The following USP4 variants were observed in gnomAD, a reference collection of about 807,000 sequenced individuals.
The protein encoded by USP4 is ubiquitin specific peptidase 4, also known as ubiquitin carboxyl-terminal hydrolase 4.
USP4 carries 72 observed loss-of-function variants against 118.2 expected under a neutral mutation model. The ratio of observed to expected loss-of-function variants is 0.61; its 90% confidence interval spans 0.50 to 0.74. The LOEUF (loss-of-function observed/expected upper bound fraction) is 0.74, where lower values mean the gene tolerates loss of function less well. Among genes scored for constraint, USP4 ranks in the 30% least tolerant of loss-of-function variants. The pLI is 0.00. For missense variants in USP4, 1,037 were observed against 1,185.7 expected, an observed-to-expected ratio of 0.87 and a Z score of 1.84; for synonymous variants, 415 against 440.4, an observed-to-expected ratio of 0.94 and a Z score of 0.72.
At chr3:49,302,579 G>T (rs746658016) in intron 9 of USP4, 37 bp from the exon 10 acceptor site, 27 of 1,591,432 alleles carry the variant, frequency 1.7e-5, no homozygotes, top group Non-Finnish European at 2.2e-5. Flanking sequence ...GGCATAATAC[G>T]TAAAGAACTA....
At chr3:49,284,982 G>T in intron 16 of USP4, 63 bp from the exon 17 acceptor site, 1 of 1,348,272 alleles carries the variant, frequency 7.4e-7, no homozygotes, top group Non-Finnish European at 1.0e-6. Flanking sequence ...CTCTCCAAGT[G>T]ACAGGAGTGA....
At chr3:49,280,876 G>A in intron 19 of USP4, 29 bp from the exon 20 acceptor site, 2 of 1,600,256 alleles carry the variant, frequency 1.2e-6, no homozygotes, top group Non-Finnish European at 1.7e-6. Context: ...AATAGTTATT[G>A]AATATGTTAA....
At chr3:49,304,939 T>C (rs553497897) in intron 9 of USP4, among the ~76,000 whole-genome samples, 5 of 152,036 alleles carry the variant, frequency 3.3e-5, no homozygotes, top group African/African-American at 1.2e-4. Flanking sequence ...AATTTTTGTA[T>C]TTTTGGTAGA....
At chr3:49,282,853 G>A (rs889680797) in intron 19 of USP4, among the ~76,000 whole-genome samples, 12 of 151,338 alleles carry the variant, frequency 7.9e-5, no homozygotes, top group Admixed American at 2.0e-4. Flanking sequence ...GATTACAGGC[G>A]TGCACCACCA....
At chr3:49,288,551 T>G (rs2047123073) in intron 15 of USP4, among the ~76,000 whole-genome samples, 1 of 152,160 alleles carries the variant, frequency 6.6e-6, no homozygotes. Flanking sequence ...GTCAGGTGCC[T>G]GTAATCCCAG....
chr3:49,306,179 T>A (rs1439301907), intron 8 of USP4, among the ~76,000 whole-genome samples: 1 of 152,022 alleles, frequency 6.6e-6, no homozygotes, highest in Non-Finnish European at 1.5e-5. Context: ...AATTGCATAA[T>A]TCTTATTTAA....
chr3:49,335,347 T>C, intron 2 of USP4, 122 bp downstream of exon 2: 1 of 1,361,856 alleles, frequency 7.3e-7, no homozygotes, highest in Non-Finnish European at 1.0e-6. Flanking sequence ...AGATGCAAAA[T>C]GAGGATACTT....
intron 13 of USP4, among the ~76,000 whole-genome samples, chr3:49,295,134 A>C (rs2047189809): frequency 1.3e-5 from 2 of 151,972 alleles, no homozygotes; most frequent in Admixed American, 6.6e-5. Flanking sequence ...CTAAAAATAC[A>C]AACAATTAGA....
chr3:49,292,552 AG>A lies in USP4; in HGVS notation c.1929del (p.Leu644TrpfsTer69). On this transcript the variant is annotated frameshift_variant, in exon 15 of 22. Coordinates refer to ENST00000265560, the MANE Select transcript of USP4 (RefSeq NM_003363.4). LOFTEE classifies it high-confidence loss of function. ...QPLPDEFGSS[P>X]LEPGACNGSR... is the part of the protein sequence containing the mutation. ...GAGCCATTGCAGGCCCCTGGCTCCA[AG>A]GGTGAGCTGCCAAACTCATCAGGTA... is the stretch of plus-strand genomic sequence containing the variant. 3 of 1,601,614 alleles carry A rather than the reference AG, an allele frequency of 1.9e-6. No individual in the cohort carries two copies. The highest frequency in any genetic ancestry group is 2.6e-6 in the Non-Finnish European group (3 of 1,173,400).
In USP4 at chr3:49,310,871, C is replaced by T. The variant is rs1055475128; in HGVS notation, c.837-134G>A. On this transcript the variant is annotated intron_variant, in intron 7 of 21. Transcript: ENST00000265560. ...CCATGATGCAAATTCCCTCTACTCC[C>T]TCCCCTGCCCTCCAGACCTGCCCCA... 20 of 659,420 alleles carry T rather than the reference C, an allele frequency of 3.0e-5. No homozygotes were observed. The South Asian group carries it at 3.3e-4, about 11-fold the overall frequency. 40.8% of individuals were successfully genotyped at this position (659,420 alleles called of 1,614,324 possible).
At chr3:49,284,773 T>C (rs1048294225) in intron 17 of USP4, 76 bp downstream of exon 17, 1 of 1,418,798 alleles carries the variant, frequency 7.0e-7, no homozygotes, top group African/African-American at 1.4e-5. Context: ...GCTGTCCAAC[T>C]GGTGAAAGTG....
chr3:49,320,186 G>C (rs1236384731), intron 6 of USP4, among the ~76,000 whole-genome samples: 1 of 152,172 alleles, frequency 6.6e-6, no homozygotes, highest in African/African-American at 2.4e-5. Context: ...TTTCCAAAAT[G>C]TTGGGATTAC....
At position 49,286,322 on chromosome 3, in the gene USP4, TCTC is replaced by T. The variant is rs762805926; in HGVS notation, c.1973_1975del (p.Gly658del). 80 of 1,614,008 alleles carry T rather than the reference TCTC, an allele frequency of 5.0e-5. No individual in the cohort carries two copies. Among genetic ancestry groups the T allele is most frequent in the African/African-American group, 5.3e-5 (4 of 75,006 alleles). Reference sequence around the variant, plus strand: ...CTGATGCTCCATTTCTTCCTCATCTTCTCCTGGCACATAAATGGAAAACAATAT... The same window carrying T: ...CTGATGCTCCATTTCTTCCTCATCTTCTGGCACATAAATGGAAAACAATAT... On this transcript the variant is annotated inframe_deletion and splice_region_variant, in exon 16 of 22. Coordinates refer to ENST00000265560, the MANE Select transcript of USP4 (RefSeq NM_003363.4).
chr3:49,298,402 TAGTG>T (rs2047230813), intron 12 of USP4, 146 bp downstream of exon 12: 1 of 745,850 alleles, frequency 1.3e-6, no homozygotes, highest in Non-Finnish European at 2.4e-6. Flanking sequence ...ACAATGTGCA[TAGTG>T]AGTGAGGCAT....
chr3:49,306,835 A>C (rs1235496868), intron 8 of USP4, among the ~76,000 whole-genome samples: 1 of 152,016 alleles, frequency 6.6e-6, no homozygotes, highest in Non-Finnish European at 1.5e-5. Context: ...CCCAGGCTGG[A>C]GTGCAGTGGC....
At chr3:49,307,539 T>C (rs901712259) in intron 8 of USP4, among the ~76,000 whole-genome samples, 5 of 152,090 alleles carry the variant, frequency 3.3e-5, no homozygotes, top group Admixed American at 6.6e-5. Flanking sequence ...ATCCTCCCAT[T>C]TGAACCTCCC....
intron 6 of USP4, chr3:49,313,848 AT>A: frequency 6.6e-6 from 1 of 152,198 alleles, no homozygotes; most frequent in East Asian, 1.9e-4. Context: ...AGTAAATCTT[AT>A]TTTAAAGTTT....
At position 49,325,763 on chromosome 3, in the gene USP4, G is replaced by A. The variant is rs1247476531; in HGVS notation, c.443C>T (p.Pro148Leu). The A allele has an allele frequency of 6.2e-7, 1 of 1,613,928 alleles. No homozygotes were observed. Among genetic ancestry groups the A allele is most frequent in the Admixed American group, 1.7e-5 (1 of 60,000 alleles). ...GAAATGGCAACTCAGCACATTGGTG[G>A]GGTCACTGTTCTCACAGAGCTTCAG... ...LELKLCENSD[P>L]TNVLSCHFSK... Residue 148 changes from proline to leucine, a missense_variant, in exon 4 of 22, where the codon CCC becomes CTC. Transcript: ENST00000265560.
chr3:49,283,333 T>C (rs957484419), intron 19 of USP4, among the ~76,000 whole-genome samples: 2 of 151,812 alleles, frequency 1.3e-5, no homozygotes, highest in Non-Finnish European at 2.9e-5. Flanking sequence ...AAATATATTT[T>C]TTATTTTTTG....
Sources: gnomAD v4.1 joint callset for allele counts (sites outside exome capture counted in the v4.1 genomes callset) on GRCh38, gnomAD v4.1.1 for gene constraint, MANE v1.5 for transcripts, NCBI Gene and HGNC (gene_info 2026-07-23, HGNC 2026-07-21) for gene names.